DPYSL5: variants seen among roughly 807,000 people sequenced by gnomAD.
The protein encoded by DPYSL5 is dihydropyrimidinase like 5.
In DPYSL5, 9 loss-of-function variants were observed where a neutral mutation model predicts 58.4. That is an observed-to-expected ratio of 0.15 (90% CI 0.09 to 0.27). The LOEUF (loss-of-function observed/expected upper bound fraction) is 0.27. Among genes scored for constraint, DPYSL5 ranks in the 10% least tolerant of loss-of-function variants. The pLI is 1.00. For synonymous variants in DPYSL5, 293 were observed against 301.9 expected (o/e 0.97, Z 0.31); for missense variants, 499 against 770.6 (o/e 0.65, Z 4.17).
At chr2:26,899,515 C>G (rs939117483) in intron 2 of DPYSL5, among the ~76,000 whole-genome samples, 7 of 152,206 alleles carry the variant, frequency 4.6e-5, no homozygotes, top group Non-Finnish European at 7.3e-5. Flanking sequence ...CTGTGAGCTC[C>G]TTGAGAGCAA....
intron 6 of DPYSL5, among the ~76,000 whole-genome samples, chr2:26,932,531 C>T (rs149467135): frequency 6.6e-6 from 1 of 152,364 alleles, no homozygotes; most frequent in East Asian, 1.9e-4. Context: ...GCTCTGGCCG[C>T]TGGACAAGGA....
At chr2:26,914,442 G>A (rs1558343261) in intron 2 of DPYSL5, among the ~76,000 whole-genome samples, 1 of 152,190 alleles carries the variant, frequency 6.6e-6, no homozygotes, top group Non-Finnish European at 1.5e-5. Flanking sequence ...GTCTTTCCAG[G>A]CATTGCTGGG....
chr2:26,929,299 C>A (rs1443538699), intron 5 of DPYSL5, among the ~76,000 whole-genome samples: 1 of 152,146 alleles, frequency 6.6e-6, no homozygotes, highest in Non-Finnish European at 1.5e-5. Flanking sequence ...ATGGCGCAAT[C>A]TCGGCTCACT....
chr2:26,928,737 A>C (rs1664894982), intron 5 of DPYSL5, among the ~76,000 whole-genome samples: 1 of 87,672 alleles, frequency 1.1e-5, no homozygotes, highest in Non-Finnish European at 2.5e-5. Flanking sequence ...ATACGCACAC[A>C]CACGCACACA....
At chr2:26,936,215 C>T (rs534432370) in intron 8 of DPYSL5, among the ~76,000 whole-genome samples, 6 of 152,320 alleles carry the variant, frequency 3.9e-5, no homozygotes, top group South Asian at 2.1e-4. Flanking sequence ...CCGAGGGTCC[C>T]GCTTTCTAGA....
At chr2:26,856,801 T>C (rs373772755) in intron 1 of DPYSL5, among the ~76,000 whole-genome samples, 77 of 151,418 alleles carry the variant, frequency 5.1e-4, no homozygotes, top group African/African-American at 1.7e-3. Context: ...GGATCAGAGG[T>C]TGACTTCCAA....
At chr2:26,897,550 T>A (rs1474957642) in intron 1 of DPYSL5, among the ~76,000 whole-genome samples, 1 of 152,250 alleles carries the variant, frequency 6.6e-6, no homozygotes, top group African/African-American at 2.4e-5. Context: ...TGTTGCTGAA[T>A]TCTGTTTGCA....
Position 26,934,796 on chromosome 2 carries a change from GC to G in DPYSL5, c.947+65del. 6.3e-7 allele frequency: 1 copy of G among 1,581,394 alleles called. No homozygotes were observed. The highest frequency in any genetic ancestry group is 8.6e-7 in the Non-Finnish European group (1 of 1,161,072). The stretch of plus-strand genomic sequence containing the variant: ...CATCTTTAGGAAGACGTCATAGAGG[GC>G]CCAGGAAACAAATCTGAGCTAGGTT... On this transcript the variant is annotated intron_variant, in intron 8 of 12. Coordinates refer to ENST00000288699, the MANE Select transcript of DPYSL5 (RefSeq NM_020134.4). This position sits in a 1 kb window ranked among gnomAD's most constrained non-coding sequence, Gnocchi z 4.3.
intron 2 of DPYSL5, among the ~76,000 whole-genome samples, chr2:26,904,701 G>A (rs1336599333): frequency 6.6e-6 from 1 of 152,130 alleles, no homozygotes; most frequent in African/African-American, 2.4e-5. Flanking sequence ...CCAGGAGTTT[G>A]AGAGCAGCCT....
chr2:26,921,930 C>T (rs1041913544), intron 2 of DPYSL5, among the ~76,000 whole-genome samples: 1 of 152,124 alleles, frequency 6.6e-6, no homozygotes, highest in Non-Finnish European at 1.5e-5. Context: ...AGACCACCTC[C>T]TATGCTTCCA....
intron 1 of DPYSL5, among the ~76,000 whole-genome samples, chr2:26,853,279 G>A (rs955627626): frequency 2.0e-5 from 3 of 152,170 alleles, no homozygotes; most frequent in Non-Finnish European, 4.4e-5. Flanking sequence ...GTGTGGGGAA[G>A]AGTCATCATG....
rs1449770689 is a variant in DPYSL5, at chr2:26,904,037, A to C, written c.261+5277A>C. 2.6e-5 allele frequency among the ~76,000 whole-genome samples: 4 copies of C among 152,336 alleles called. No homozygotes were observed. The East Asian group carries it at 7.7e-4, about 29-fold the overall frequency. On this transcript the variant is annotated intron_variant, in intron 2 of 12. Coordinates refer to ENST00000288699, the MANE Select transcript of DPYSL5 (RefSeq NM_020134.4). Reference sequence around the variant, plus strand: ...CAAAATTAGCATTGGGGTATCTTACAGTCAACCTGTGGGGGAAGCCAAATC... The same window carrying C: ...CAAAATTAGCATTGGGGTATCTTACCGTCAACCTGTGGGGGAAGCCAAATC...
chr2:26,919,019 C>G (rs538790331), intron 2 of DPYSL5, among the ~76,000 whole-genome samples: 7 of 152,290 alleles, frequency 4.6e-5, no homozygotes, highest in Non-Finnish European at 7.3e-5. Flanking sequence ...ATTGGAGCGG[C>G]AGGGCAGTCC....
In DPYSL5 at chr2:26,940,206, C is replaced by G. The variant is rs367589713; in HGVS notation, c.1089+34C>G. ...CCTAGAGCCCCGCCCCGATCTGATC[C>G]CTGCTCTAATCCCCGTTTCATCCCC... On this transcript the variant is annotated intron_variant, in intron 9 of 12. Coordinates refer to ENST00000288699, the MANE Select transcript of DPYSL5 (RefSeq NM_020134.4). The G allele has an allele frequency of 6.9e-5, 111 of 1,608,912 alleles. No individual in the cohort carries two copies. The Middle Eastern group carries it at 2.4e-3, about 34-fold the overall frequency.
intron 2 of DPYSL5, among the ~76,000 whole-genome samples, chr2:26,906,817 G>C (rs1337497800): frequency 3.3e-5 from 5 of 152,162 alleles, no homozygotes; most frequent in African/African-American, 1.2e-4. Flanking sequence ...CTGGAGCGTA[G>C]TGGCATGATC....
At chr2:26,850,329 G>A (rs1049578766) in intron 1 of DPYSL5, among the ~76,000 whole-genome samples, 1 of 152,132 alleles carries the variant, frequency 6.6e-6, no homozygotes, top group East Asian at 1.9e-4. Context: ...TGAACCGAAT[G>A]GAAGCTTAAA....
chr2:26,933,293 T>C lies in DPYSL5; in HGVS notation c.750T>C (p.Ser250=). 6.2e-7 allele frequency: 1 copy of C among 1,614,220 alleles called. No homozygotes were observed. The highest frequency in any genetic ancestry group is 8.5e-7 in the Non-Finnish European group (1 of 1,180,020). Residue 250 remains serine (S), a synonymous_variant, in exon 7 of 13, where the codon AGT becomes AGC. Transcript: ENST00000288699. This position sits in a 1 kb window ranked among gnomAD's most constrained non-coding sequence, Gnocchi z 4.2. ...CAATCTACCTGGTCAACGTGTCCAGTATCTCGGCTGGTGACGTTATCGCAG... is the reference window on the plus strand; with the variant it reads ...CAATCTACCTGGTCAACGTGTCCAGCATCTCGGCTGGTGACGTTATCGCAG... ...HCPIYLVNVS[S]ISAGDVIAAA...
chr2:26,933,152 C>CG lies in DPYSL5; in HGVS notation c.715-105dup. On this transcript the variant is annotated intron_variant, in intron 6 of 12. Transcript: ENST00000288699. The surrounding 1 kb of genome is among the most constrained non-coding windows in gnomAD (Gnocchi z 4.2). ...TCACCTTGAGGGTGGGGTTGAGTGACGCAGGGGGAGGCGCTGGTGCCAGGG... is the reference window on the plus strand; with the variant it reads ...TCACCTTGAGGGTGGGGTTGAGTGACGGCAGGGGGAGGCGCTGGTGCCAGGG... 1 of 971,132 alleles carries CG rather than the reference C, an allele frequency of 1.0e-6. No homozygotes were observed. Among genetic ancestry groups the CG allele is most frequent in the Non-Finnish European group, 1.7e-6 (1 of 600,462 alleles). The allele number at this position is 971,132 out of a possible 1,614,324, so 60.2% of individuals were successfully genotyped here.
chr2:26,934,398 G>A lies in DPYSL5; in HGVS notation c.791-180G>A, dbSNP rs1202078936. On this transcript the variant is annotated intron_variant, in intron 7 of 12. Coordinates refer to ENST00000288699, the MANE Select transcript of DPYSL5 (RefSeq NM_020134.4). This position sits in a 1 kb window ranked among gnomAD's most constrained non-coding sequence, Gnocchi z 4.3. ...CCCTCTGTCCTCCTTGCCTAAGTCA[G>A]CAGAATAGGGAGGCTCTCTGGGCTT... Among the ~76,000 whole-genome samples the A allele has an allele frequency of 6.6e-6, 1 of 152,156 alleles. No individual in the cohort carries two copies. Among genetic ancestry groups the A allele is most frequent in the Non-Finnish European group, 1.5e-5 (1 of 68,006 alleles).
Sources: allele counts gnomAD v4.1 joint callset (sites outside exome capture counted in the v4.1 genomes callset), GRCh38; gene constraint gnomAD v4.1.1; non-coding constraint Gnocchi (gnomAD v3.1); transcripts MANE v1.5; gene names NCBI Gene and HGNC (gene_info 2026-07-23, HGNC 2026-07-21).